MEP1A: variants seen among roughly 807,000 people sequenced by gnomAD.
The protein encoded by MEP1A is meprin A subunit alpha.
Under a neutral mutation model 84.5 loss-of-function variants are expected in MEP1A, and 68 were observed. That is an observed-to-expected ratio of 0.80 (90% CI 0.66 to 0.98). The LOEUF is 0.98. Ranked by LOEUF, MEP1A falls within the 50% of genes least tolerant of loss-of-function variation. The pLI is 0.00. For synonymous variants in MEP1A, 337 were observed against 336.8 expected, an observed-to-expected ratio of 1.00 and a Z score of -0.01; for missense variants, 887 against 919.9, an observed-to-expected ratio of 0.96 and a Z score of 0.46.
chr6:46,831,406 G>GCA (rs976842284), intron 10 of MEP1A, among the ~76,000 whole-genome samples: 2 of 151,972 alleles, frequency 1.3e-5, no homozygotes, highest in African/African-American at 2.4e-5. Flanking sequence ...ACACACACAT[G>GCA]CACACACACA....
At chr6:46,838,041 A>G (rs1301307056) in intron 13 of MEP1A, among the ~76,000 whole-genome samples, 3 of 150,418 alleles carry the variant, frequency 2.0e-5, no homozygotes, top group African/African-American at 7.4e-5. Context: ...ACAGGTGCCC[A>G]CCACCATGTC....
In MEP1A at chr6:46,809,478, T is replaced by G; in HGVS notation, c.321T>G (p.Cys107Trp). Residue 107 changes from cysteine to tryptophan, a missense_variant, in exon 6 of 14, where the codon TGT becomes TGG. Physicochemically the swap from Cys to Trp is radical, Grantham distance 215. Transcript: ENST00000230588. Reference protein sequence around the residue: ...YAFEMFRLKSCVDFKPYEGES... With the variant: ...YAFEMFRLKSWVDFKPYEGES... ...TTGAGATGTTCCGTCTCAAGTCCTG[T>G]GTGGATTTCAAGCCCTATGAAGGAG... is the stretch of plus-strand genomic sequence containing the variant. The G allele has an allele frequency of 6.2e-7, 1 of 1,610,606 alleles. No individual in the cohort carries two copies. Among genetic ancestry groups the G allele is most frequent in the Non-Finnish European group, 8.5e-7 (1 of 1,177,902 alleles).
At position 46,819,613 on chromosome 6, in the gene MEP1A, C is replaced by T. The variant is rs371616881; in HGVS notation, c.465C>T (p.His155=). Residue 155 remains histidine (H), a synonymous_variant, in exon 7 of 14, where the codon CAC becomes CAT. Coordinates refer to ENST00000230588, the MANE Select transcript of MEP1A (RefSeq NM_005588.3). ...GTGCCTATAAGGCCATCATAGAACA[C>T]GAGATCCTGCATGCTTTGGGATTTT... is the stretch of plus-strand genomic sequence containing the variant. ...QGCAYKAIIE[H]EILHALGFYH... is the part of the protein sequence containing the mutation. 16 of 1,613,960 alleles carry T rather than the reference C, an allele frequency of 9.9e-6. No individual in the cohort carries two copies. The highest frequency in any genetic ancestry group is 3.3e-4 in the Middle Eastern group (2 of 6,082).
chr6:46,812,912 A>G (rs1391563261), intron 6 of MEP1A, among the ~76,000 whole-genome samples: 2 of 152,074 alleles, frequency 1.3e-5, no homozygotes, highest in Non-Finnish European at 1.5e-5. Context: ...AGAATGTTCC[A>G]TGTGCTGGTA....
chr6:46,815,667 G>A (rs899720421), intron 6 of MEP1A, among the ~76,000 whole-genome samples: 1 of 152,044 alleles, frequency 6.6e-6, no homozygotes, highest in African/African-American at 2.4e-5. Context: ...AATTCATGAT[G>A]TGAGTCTCCC....
intron 6 of MEP1A, among the ~76,000 whole-genome samples, chr6:46,810,055 C>A (rs953955432): frequency 1.3e-5 from 2 of 151,868 alleles, no homozygotes; most frequent in African/African-American, 4.8e-5. Context: ...TTTCCATAGT[C>A]ACTGTACTAG....
In MEP1A at chr6:46,826,401, A is replaced by T. The variant is rs1425653913; in HGVS notation, c.826A>T (p.Ile276Phe). The T allele has an allele frequency of 3.1e-6, 5 of 1,610,174 alleles. No homozygotes were observed. Among genetic ancestry groups the T allele is most frequent in the Non-Finnish European group, 4.2e-6 (5 of 1,178,224 alleles). The change falls in exon 9 of 14, where the codon ATC becomes TTC. Residue 276 changes from isoleucine to phenylalanine, a missense_variant. Transcript: ENST00000230588. ...CCACTGTACTTTTGAGAAGGCAAAC[A>T]TCTGTGGAATGATTCAGGGCACCAG... ...LDHCTFEKAN[I>F]CGMIQGTRDD...
intron 3 of MEP1A, among the ~76,000 whole-genome samples, chr6:46,795,379 CA>C (rs1387578993): frequency 6.6e-6 from 1 of 152,150 alleles, no homozygotes; most frequent in African/African-American, 2.4e-5. Flanking sequence ...CGGCTCACTG[CA>C]ACCTCCGCCT....
intron 6 of MEP1A, among the ~76,000 whole-genome samples, chr6:46,819,201 T>C (rs901657142): frequency 2.0e-5 from 3 of 152,246 alleles, no homozygotes; most frequent in Non-Finnish European, 2.9e-5. Context: ...TGGAGTGCCC[T>C]GTGGGTTTGT....
At chr6:46,810,000 A>C (rs1163751203) in intron 6 of MEP1A, among the ~76,000 whole-genome samples, 1 of 152,010 alleles carries the variant, frequency 6.6e-6, no homozygotes, top group Non-Finnish European at 1.5e-5. Flanking sequence ...TTGCTGGATC[A>C]AATGGTAGTT....
chr6:46,793,458 A>T lies in MEP1A; in HGVS notation c.60A>T (p.Ala20=), dbSNP rs147082593. ...TTACCTTGCTTTTTGCCCACATAGC[A>T]GCTGTACCGGTAAGTCGAGTCCTGC... ...LFFTLLFAHI[A]AVPIKYLPEE... is the part of the protein sequence containing the mutation. The change falls in exon 1 of 14, where the codon GCA becomes GCT. Residue 20 remains alanine (A), a synonymous_variant. Transcript: ENST00000230588. 230 of 1,610,770 alleles carry T rather than the reference A, an allele frequency of 1.4e-4. No homozygotes were observed. In the African/African-American group the frequency reaches 2.5e-3, roughly 18 times the overall value.
At chr6:46,817,302 T>C (rs1767663928) in intron 6 of MEP1A, among the ~76,000 whole-genome samples, 1 of 152,156 alleles carries the variant, frequency 6.6e-6, no homozygotes, top group Non-Finnish European at 1.5e-5. Context: ...AAGAATAACT[T>C]TGGGGATGAG....
At chr6:46,821,587 C>T (rs1767777724) in intron 7 of MEP1A, among the ~76,000 whole-genome samples, 1 of 152,192 alleles carries the variant, frequency 6.6e-6, no homozygotes. Flanking sequence ...GCCTCAATTT[C>T]TTACCTTCCT....
chr6:46,806,712 A>T (rs1210329859), intron 5 of MEP1A, among the ~76,000 whole-genome samples: 2 of 152,012 alleles, frequency 1.3e-5, no homozygotes, highest in Non-Finnish European at 2.9e-5. Flanking sequence ...TCTCCTCTTC[A>T]TCTACCATGA....
chr6:46,833,803 T>C (rs1581689168), intron 11 of MEP1A, among the ~76,000 whole-genome samples: 1 of 152,184 alleles, frequency 6.6e-6, no homozygotes, highest in South Asian at 2.1e-4. Context: ...GTGAATCAGG[T>C]GATCCCTGCC....
chr6:46,811,703 T>C (rs890225380), intron 6 of MEP1A, among the ~76,000 whole-genome samples: 12 of 152,122 alleles, frequency 7.9e-5, no homozygotes, highest in African/African-American at 2.4e-4. Flanking sequence ...CTTTGCCAAA[T>C]GCTTTTTCTC....
intron 6 of MEP1A, among the ~76,000 whole-genome samples, chr6:46,816,474 T>G (rs1767637878): frequency 6.6e-6 from 1 of 150,576 alleles, no homozygotes; most frequent in African/African-American, 2.4e-5. Context: ...AAGTGTGGGA[T>G]GAAGCATCAG....
Position 46,826,384 on chromosome 6 carries a change from C to T in MEP1A, c.809C>T (p.Thr270Ile). 2 of 1,608,954 alleles carry T rather than the reference C, an allele frequency of 1.2e-6. No homozygotes were observed. Among genetic ancestry groups the T allele is most frequent in the Middle Eastern group, 1.7e-4 (1 of 6,054 alleles). ...ACTCACACTCTTTTGGACCACTGTACTTTTGAGAAGGCAAACATCTGTGGA... is the reference window on the plus strand; with the variant it reads ...ACTCACACTCTTTTGGACCACTGTATTTTTGAGAAGGCAAACATCTGTGGA... ...TTTHTLLDHC[T>I]FEKANICGMI... Residue 270 changes from threonine (T) to isoleucine (I), a missense_variant, in exon 9 of 14, where the codon ACT (threonine) becomes ATT (isoleucine). Thr to Ile is a moderately conservative substitution (Grantham distance 89). Coordinates refer to ENST00000230588, the MANE Select transcript of MEP1A (RefSeq NM_005588.3).
rs189664735 is a variant in MEP1A, at chr6:46,803,166, A to T, written c.262+3985A>T. ...TTGTTTGTTGGTAAAATTCACCGAT[A>T]AAATAAAATAACCAAGTAATGGAAT... On this transcript the variant is annotated intron_variant, in intron 5 of 13. Coordinates refer to ENST00000230588, the MANE Select transcript of MEP1A (RefSeq NM_005588.3). Among the ~76,000 whole-genome samples, 63 of 151,782 alleles carry T rather than the reference A, an allele frequency of 4.2e-4. 1 individual carries two copies. The highest frequency in any genetic ancestry group is 1.5e-3 in the African/African-American group (62 of 41,540).
Sources: gnomAD v4.1 joint callset for allele counts (sites outside exome capture counted in the v4.1 genomes callset) on GRCh38, gnomAD v4.1.1 for gene constraint, MANE v1.5 for transcripts, NCBI Gene and HGNC (gene_info 2026-07-23, HGNC 2026-07-21) for gene names.